Variants in PRDM1 observed in about 807,000 individuals in gnomAD.
PRDM1 encodes the protein PR/SET domain 1, also known as PR domain zinc finger protein 1.
In PRDM1, 13 loss-of-function variants were observed where a neutral mutation model predicts 62.8. The observed-to-expected ratio is 0.21, with a 90% confidence interval of 0.13 to 0.33. The LOEUF (loss-of-function observed/expected upper bound fraction) is 0.33, where lower values mean the gene tolerates loss of function less well. Ranked by LOEUF, PRDM1 falls within the 10% of genes least tolerant of loss-of-function variation. PRDM1 has a pLI of 1.00. For missense variants in PRDM1, 895 were observed against 1,058.8 expected, an observed-to-expected ratio of 0.85 and a Z score of 2.15; for synonymous variants, 396 against 417.6, an observed-to-expected ratio of 0.95 and a Z score of 0.63.
At chr6:106,073,069 AC>A (rs1773544763) in intron 1 of PRDM1, among the ~76,000 whole-genome samples, 1 of 142,418 alleles carries the variant, frequency 7.0e-6, no homozygotes, top group Admixed American at 6.9e-5. Flanking sequence ...CATATATATC[AC>A]TCTAAACCCA....
chr6:105,999,962 T>TCCCG (rs1772408525), intron 1 of PRDM1, among the ~76,000 whole-genome samples: 1 of 152,054 alleles, frequency 6.6e-6, no homozygotes, highest in South Asian at 2.1e-4. Flanking sequence ...CACGCCATTC[T>TCCCG]CCTCAGCCTC....
intron 1 of PRDM1, among the ~76,000 whole-genome samples, chr6:106,076,962 C>A (rs1302292353): frequency 6.6e-6 from 1 of 152,182 alleles, no homozygotes; most frequent in Non-Finnish European, 1.5e-5. Flanking sequence ...CAAAAGCAGA[C>A]CCCACAAGAA....
chr6:106,042,595 G>A (rs1773019716), intron 1 of PRDM1, among the ~76,000 whole-genome samples: 1 of 151,858 alleles, frequency 6.6e-6, no homozygotes, highest in African/African-American at 2.4e-5. Flanking sequence ...AATTGTTAAT[G>A]TAAGAATGAA....
At chr6:106,104,522 A>T (rs1010339110) in intron 4 of PRDM1, among the ~76,000 whole-genome samples, 3 of 152,152 alleles carry the variant, frequency 2.0e-5, no homozygotes, top group Non-Finnish European at 2.9e-5. Flanking sequence ...AGGCTATCTT[A>T]CTCCAGCCTA....
chr6:106,052,220 A>T (rs1267322504), intron 1 of PRDM1, among the ~76,000 whole-genome samples: 1 of 152,274 alleles, frequency 6.6e-6, no homozygotes, highest in Non-Finnish European at 1.5e-5. Flanking sequence ...TCAAAGACAT[A>T]TTTGTCATAA....
At chr6:106,099,259 G>A (rs762830300) in intron 3 of PRDM1, 41 bp from the exon 4 acceptor site, 2 of 1,612,180 alleles carry the variant, frequency 1.2e-6, no homozygotes, top group South Asian at 1.1e-5. Flanking sequence ...GGAGCTTTGG[G>A]TCTGACTTCC....
At chr6:106,015,198 C>CA (rs1562144954) in intron 1 of PRDM1, among the ~76,000 whole-genome samples, 1 of 152,216 alleles carries the variant, frequency 6.6e-6, no homozygotes, top group East Asian at 1.9e-4. Flanking sequence ...AGGAGCTTTA[C>CA]ACATTGTAAA....
At chr6:106,092,219 C>A (rs985440672) in intron 2 of PRDM1, among the ~76,000 whole-genome samples, 1 of 150,482 alleles carries the variant, frequency 6.6e-6, no homozygotes, top group African/African-American at 2.4e-5. Context: ...GCTGTCAAAT[C>A]TCCTTCATTG....
chr6:106,066,966 A>T (rs188901226), intron 1 of PRDM1, among the ~76,000 whole-genome samples: 48 of 152,334 alleles, frequency 3.2e-4, no homozygotes, highest in African/African-American at 1.1e-3. Flanking sequence ...TAAGTGATTT[A>T]GTCTTCACAA....
At chr6:106,029,066 G>A (rs544276934) in intron 1 of PRDM1, among the ~76,000 whole-genome samples, 5 of 151,790 alleles carry the variant, frequency 3.3e-5, no homozygotes, top group South Asian at 2.1e-4. Context: ...GACTACAGGC[G>A]CACGCCACCA....
In PRDM1 at chr6:106,107,052, A is replaced by G. The variant is rs1475034677; in HGVS notation, c.2044A>G (p.Thr682Ala). 1 of 1,614,176 alleles carries G rather than the reference A, an allele frequency of 6.2e-7. No homozygotes were observed. The highest frequency in any genetic ancestry group is 2.2e-5 in the East Asian group (1 of 44,882). ...CCTGAAACTGCACAAGCGTCTGCAC[A>G]CCCGGGAGCGGCCCCACAAGTGCTC... ...VHLKLHKRLH[T>A]RERPHKCSQC... is the part of the protein sequence containing the mutation. The change falls in exon 7 of 7, where the codon ACC becomes GCC. Residue 682 changes from threonine (T) to alanine (A), a missense_variant. Thr to Ala is a moderately conservative substitution (Grantham distance 58). Around this residue, in one of 4 missense-constraint regions of PRDM1, gnomAD observed 164 missense variants for 179.9 expected, o/e 0.91. Transcript: ENST00000369096.
At chr6:106,019,483 G>A (rs897212744) in intron 1 of PRDM1, among the ~76,000 whole-genome samples, 13 of 150,952 alleles carry the variant, frequency 8.6e-5, no homozygotes, top group African/African-American at 3.2e-4. Context: ...ATTAATTTGC[G>A]TTTTCACTTA....
chr6:106,018,771 C>A (rs985137676), intron 1 of PRDM1, among the ~76,000 whole-genome samples: 3 of 152,000 alleles, frequency 2.0e-5, no homozygotes, highest in Non-Finnish European at 2.9e-5. Context: ...TTATCACTGT[C>A]GACGTTAACC....
intron 1 of PRDM1, among the ~76,000 whole-genome samples, chr6:106,058,980 T>C (rs115932141): frequency 1.7e-3 from 261 of 152,334 alleles, no homozygotes; most frequent in African/African-American, 6.0e-3. Flanking sequence ...CATTCAGAGT[T>C]GCCATCCATC....
In PRDM1 at chr6:106,106,834, G is replaced by T; in HGVS notation, c.1903-77G>T. On this transcript the variant is annotated intron_variant, in intron 6 of 6. Transcript: ENST00000369096. This position sits in a 1 kb window ranked among gnomAD's most constrained non-coding sequence, Gnocchi z 4.4. ...TTGCTGGGCGTTGGCCGGTAAGCCTGCCCCTCCCGTTGGCAACTCTTAATC... is the reference window on the plus strand; with the variant it reads ...TTGCTGGGCGTTGGCCGGTAAGCCTTCCCCTCCCGTTGGCAACTCTTAATC... 6.9e-7 allele frequency: 1 copy of T among 1,455,916 alleles called. No homozygotes were observed. The allele number at this position is 1,455,916 out of a possible 1,614,324, so 90.2% of individuals were successfully genotyped here. A position where few individuals can be genotyped will look rare whatever the true frequency, so the allele number is the denominator to read the frequency against.
chr6:106,066,002 C>T (rs149713194), intron 1 of PRDM1, among the ~76,000 whole-genome samples: 19 of 152,196 alleles, frequency 1.2e-4, no homozygotes, highest in African/African-American at 4.6e-4. Flanking sequence ...TTGCCCTTGC[C>T]CATGGAAGCT....
At chr6:106,071,406 CACAT>C (rs754529474) in intron 1 of PRDM1, among the ~76,000 whole-genome samples, 2 of 151,958 alleles carry the variant, frequency 1.3e-5, no homozygotes, top group Admixed American at 6.6e-5. Flanking sequence ...CACACACACA[CACAT>C]ACATACATAC....
intron 3 of PRDM1, among the ~76,000 whole-genome samples, chr6:106,097,247 AG>A (rs1774137290): frequency 6.6e-6 from 1 of 152,204 alleles, no homozygotes; most frequent in Non-Finnish European, 1.5e-5. Flanking sequence ...TAGTTCTTGG[AG>A]TTAAAGGTCT....
chr6:106,021,303 C>T (rs1772693886), intron 1 of PRDM1, among the ~76,000 whole-genome samples: 1 of 152,154 alleles, frequency 6.6e-6, no homozygotes, highest in Admixed American at 6.5e-5. Flanking sequence ...ACTCTTATTC[C>T]AATTTCAGTA....
Sources: gnomAD v4.1 joint callset for allele counts (sites outside exome capture counted in the v4.1 genomes callset) on GRCh38, gnomAD v4.1.1 for gene constraint, gnomAD v4.1.1 regional missense constraint, Gnocchi (gnomAD v3.1) non-coding constraint, MANE v1.5 for transcripts, NCBI Gene and HGNC (gene_info 2026-07-23, HGNC 2026-07-21) for gene names.